The following ATL2 variants were observed in gnomAD, a reference collection of about 807,000 sequenced individuals.
The protein encoded by ATL2 is atlastin GTPase 2.
Under a neutral mutation model 73.9 loss-of-function variants are expected in ATL2, and 31 were observed. The ratio of observed to expected loss-of-function variants is 0.42; its 90% CI spans 0.32 to 0.57. The LOEUF (loss-of-function observed/expected upper bound fraction) is 0.57. ATL2 is among the 20% of genes least tolerant of loss of function. The pLI, the probability that ATL2 is intolerant of heterozygous loss-of-function variation, is 0.14. For missense variants in ATL2, 738 were observed against 702.6 expected (o/e 1.05, Z -0.57); for synonymous variants, 291 against 237.5 (o/e 1.23, Z -2.07).
intron 2 of ATL2, among the ~76,000 whole-genome samples, chr2:38,338,442 C>A (rs1429574389): frequency 6.6e-6 from 1 of 152,020 alleles, no homozygotes; most frequent in African/African-American, 2.4e-5. Flanking sequence ...CATATAGCCC[C>A]TGATTCTAAA....
chr2:38,338,623 C>T (rs940090767), intron 2 of ATL2, among the ~76,000 whole-genome samples: 1 of 152,076 alleles, frequency 6.6e-6, no homozygotes, highest in Admixed American at 6.6e-5. Flanking sequence ...TTCCTCCTAT[C>T]AGAAGGTAGA....
intron 2 of ATL2, among the ~76,000 whole-genome samples, chr2:38,321,298 C>A (rs946758707): frequency 6.6e-6 from 1 of 152,162 alleles, no homozygotes; most frequent in Non-Finnish European, 1.5e-5. Flanking sequence ...GGCCACCAAT[C>A]CTATCAATTA....
chr2:38,306,246 T>C (rs1667440481), intron 9 of ATL2, among the ~76,000 whole-genome samples: 2 of 152,174 alleles, frequency 1.3e-5, no homozygotes, highest in African/African-American at 4.8e-5. Flanking sequence ...ATCAAAGCCA[T>C]AATAAAAAGT....
intron 9 of ATL2, among the ~76,000 whole-genome samples, chr2:38,301,218 C>T (rs1409293267): frequency 5.9e-5 from 9 of 152,164 alleles, no homozygotes. Context: ...GATTCGCCCA[C>T]TTTAGCCTCC....
chr2:38,345,835 C>A (rs547122691), intron 1 of ATL2, among the ~76,000 whole-genome samples: 8 of 152,322 alleles, frequency 5.3e-5, no homozygotes, highest in East Asian at 1.9e-4. Flanking sequence ...AACTTCTCTG[C>A]ACCTGTTTTC....
intron 2 of ATL2, among the ~76,000 whole-genome samples, chr2:38,330,913 C>T (rs1448469382): frequency 6.6e-6 from 1 of 152,126 alleles, no homozygotes; most frequent in Non-Finnish European, 1.5e-5. Flanking sequence ...CCCAAAATAG[C>T]CAAACAATCT....
At chr2:38,317,249 A>C (rs563709078) in intron 4 of ATL2, among the ~76,000 whole-genome samples, 2 of 152,314 alleles carry the variant, frequency 1.3e-5, no homozygotes, top group East Asian at 3.9e-4. Context: ...CCATTTTAAA[A>C]AAATATTTGC....
intron 2 of ATL2, among the ~76,000 whole-genome samples, chr2:38,330,474 T>C (rs961134276): frequency 2.6e-5 from 4 of 152,144 alleles, no homozygotes; most frequent in African/African-American, 9.7e-5. Context: ...CAATCATCAT[T>C]TGCAGATGAC....
At position 38,318,654 on chromosome 2, in the gene ATL2, GT is replaced by G. The variant is rs1668157704; in HGVS notation, c.499-16del. The G allele has an allele frequency of 3.2e-6, 5 of 1,561,672 alleles. No homozygotes were observed. In the East Asian group the frequency reaches 1.1e-4, roughly 35 times the overall value. The stretch of plus-strand genomic sequence containing the variant: ...AGCACAGCAACCTAGGAATTTGAGA[GT>G]TTAAAATATTTAGTAAAACAGTTGC... On this transcript the variant is annotated splice_polypyrimidine_tract_variant and intron_variant, in intron 3 of 12. Transcript: ENST00000378954.
At chr2:38,331,783 T>TA (rs1669011977) in intron 2 of ATL2, among the ~76,000 whole-genome samples, 1 of 151,862 alleles carries the variant, frequency 6.6e-6, no homozygotes, top group Non-Finnish European at 1.5e-5. Context: ...GACAAATAGA[T>TA]ACATAACCAA....
chr2:38,339,956 G>A (rs1669608745), intron 2 of ATL2, among the ~76,000 whole-genome samples: 1 of 152,182 alleles, frequency 6.6e-6, no homozygotes, highest in Admixed American at 6.5e-5. Flanking sequence ...CTCCCAAAGT[G>A]CTGGGATTAC....
rs1668157282 is a variant in ATL2 at position 38,318,651 on chromosome 2, A to G, written c.499-12T>C. 6.4e-7 allele frequency: 1 copy of G among 1,567,930 alleles called. No individual in the cohort carries two copies. Among genetic ancestry groups the G allele is most frequent in the Non-Finnish European group, 8.6e-7 (1 of 1,160,768 alleles). On this transcript the variant is annotated splice_polypyrimidine_tract_variant and intron_variant, in intron 3 of 12. Coordinates refer to ENST00000378954, the MANE Select transcript of ATL2 (RefSeq NM_001135673.4). The stretch of plus-strand genomic sequence containing the variant: ...AGCAGCACAGCAACCTAGGAATTTG[A>G]GAGTTTAAAATATTTAGTAAAACAG...
intron 7 of ATL2, among the ~76,000 whole-genome samples, chr2:38,311,649 C>G (rs766474745): frequency 3.0e-4 from 45 of 152,196 alleles, no homozygotes; most frequent in Middle Eastern, 3.4e-3. Context: ...AAAAACAAAG[C>G]CTGTGAGAAG....
chr2:38,330,498 T>G (rs1025858014), intron 2 of ATL2, among the ~76,000 whole-genome samples: 1 of 152,166 alleles, frequency 6.6e-6, no homozygotes, highest in Non-Finnish European at 1.5e-5. Flanking sequence ...ATGTTGTATA[T>G]AGAAAACTCG....
intron 9 of ATL2, among the ~76,000 whole-genome samples, chr2:38,304,852 A>G (rs1205858937): frequency 6.6e-6 from 1 of 152,204 alleles, no homozygotes; most frequent in African/African-American, 2.4e-5. Flanking sequence ...CACTAAAAGG[A>G]AGACAGGCAG....
At chr2:38,305,527 C>T (rs1366311929) in intron 9 of ATL2, among the ~76,000 whole-genome samples, 7 of 151,216 alleles carry the variant, frequency 4.6e-5, no homozygotes, top group Admixed American at 4.6e-4. Flanking sequence ...CCAGCCTGGG[C>T]AAAACAGCGA....
chr2:38,297,748 C>A (rs982095938), intron 12 of ATL2, among the ~76,000 whole-genome samples: 3 of 152,284 alleles, frequency 2.0e-5, no homozygotes, highest in Admixed American at 2.0e-4. Flanking sequence ...TGCATTGCTG[C>A]TTGCCAATAT....
At chr2:38,337,737 T>A (rs1669454593) in intron 2 of ATL2, among the ~76,000 whole-genome samples, 1 of 152,104 alleles carries the variant, frequency 6.6e-6, no homozygotes, top group East Asian at 1.9e-4. Flanking sequence ...TGATAAGTGC[T>A]AAAAATTGTT....
intron 9 of ATL2, 141 bp downstream of exon 9, chr2:38,309,238 C>A: frequency 1.3e-6 from 1 of 787,664 alleles, no homozygotes; most frequent in South Asian, 2.3e-5. Context: ...ACAGATACAT[C>A]TAATTCAAGG....
Sources: gnomAD v4.1 joint callset for allele counts (sites outside exome capture counted in the v4.1 genomes callset) on GRCh38, gnomAD v4.1.1 for gene constraint, MANE v1.5 for transcripts, NCBI Gene and HGNC (gene_info 2026-07-23, HGNC 2026-07-21) for gene names.